The following MACROD2 variants were observed in gnomAD, a reference collection of about 807,000 sequenced individuals.
The protein encoded by MACROD2 is mono-ADP ribosylhydrolase 2, also known as ADP-ribose glycohydrolase MACROD2.
MACROD2 carries 36 observed loss-of-function variants against 70.4 expected under a neutral mutation model. The observed-to-expected ratio is 0.51, with a 90% confidence interval of 0.39 to 0.68. MACROD2 has a LOEUF of 0.68. MACROD2 is among the 30% of genes least tolerant of loss of function. The pLI, the probability that MACROD2 is intolerant of heterozygous loss-of-function variation, is 0.00. For missense variants in MACROD2, 496 were observed against 538.4 expected (o/e 0.92, Z 0.78); for synonymous variants, 172 against 178.8 (o/e 0.96, Z 0.30).
intron 6 of MACROD2, among the ~76,000 whole-genome samples, chr20:15,273,856 C>G (rs933167712): frequency 1.3e-5 from 2 of 152,102 alleles, no homozygotes; most frequent in South Asian, 2.1e-4. Context: ...ATTTCATTAC[C>G]CTGAGCTTTG....
chr20:15,419,711 T>C (rs1440616516), intron 6 of MACROD2, among the ~76,000 whole-genome samples: 1 of 152,238 alleles, frequency 6.6e-6, no homozygotes, highest in Non-Finnish European at 1.5e-5. Context: ...CCTCGGGCTC[T>C]GCACCAGCAA....
At chr20:14,230,654 T>TATATATATATATAAAAA in intron 3 of MACROD2, among the ~76,000 whole-genome samples, 4 of 74,240 alleles carry the variant, frequency 5.4e-5, no homozygotes, top group Non-Finnish European at 7.0e-5. Flanking sequence ...TATATATATA[T>TATATATATATATAAAAA]AACACAGGCT....
intron 8 of MACROD2, among the ~76,000 whole-genome samples, chr20:15,703,881 G>A (rs1001206804): frequency 5.9e-5 from 9 of 152,010 alleles, no homozygotes; most frequent in South Asian, 4.1e-4. Flanking sequence ...CATAAGCCAC[G>A]ATGTCTTATT....
intron 3 of MACROD2, among the ~76,000 whole-genome samples, chr20:14,201,060 A>G (rs973856816): frequency 2.7e-5 from 4 of 150,354 alleles, no homozygotes; most frequent in African/African-American, 9.8e-5. Context: ...GATTGCTGCT[A>G]TTTACAAAGG....
chr20:14,527,488 C>T (rs975941907), intron 4 of MACROD2, among the ~76,000 whole-genome samples: 5 of 88,808 alleles, frequency 5.6e-5, no homozygotes, highest in South Asian at 1.1e-3. Flanking sequence ...TACAACCAAC[C>T]TCTGATTATA....
At chr20:15,274,159 A>AG (rs1185223223) in intron 6 of MACROD2, among the ~76,000 whole-genome samples, 2 of 152,200 alleles carry the variant, frequency 1.3e-5, no homozygotes, top group Non-Finnish European at 2.9e-5. Flanking sequence ...AGAATCAAAA[A>AG]GGGGTTGTAT....
chr20:16,034,293 C>T (rs1178255818), intron 15 of MACROD2, among the ~76,000 whole-genome samples: 1 of 151,998 alleles, frequency 6.6e-6, no homozygotes, highest in Non-Finnish European at 1.5e-5. Flanking sequence ...ACCGTGGACT[C>T]AGCTTCTCTT....
intron 8 of MACROD2, among the ~76,000 whole-genome samples, chr20:15,537,963 A>G (rs2047899211): frequency 6.6e-6 from 1 of 152,148 alleles, no homozygotes; most frequent in African/African-American, 2.4e-5. Context: ...TATCCCTAGC[A>G]CTTAGTAGAG....
intron 8 of MACROD2, among the ~76,000 whole-genome samples, chr20:15,822,923 G>A (rs1016994753): frequency 1.1e-4 from 16 of 152,282 alleles, no homozygotes; most frequent in African/African-American, 3.6e-4. Context: ...GTGATGCTCA[G>A]TAAATGAGAC....
intron 8 of MACROD2, among the ~76,000 whole-genome samples, chr20:15,770,182 A>G (rs1430077294): frequency 6.8e-6 from 1 of 146,888 alleles, no homozygotes; most frequent in African/African-American, 2.5e-5. Flanking sequence ...GCAGCCTCGA[A>G]CTCCTGAGCT....
At chr20:15,230,207 ACT>A in intron 6 of MACROD2, 146 bp downstream of exon 6, 1 of 665,092 alleles carries the variant, frequency 1.5e-6, no homozygotes, top group Non-Finnish European at 2.3e-6. Flanking sequence ...GGTTATCATG[ACT>A]CTAATCTTTG....
chr20:15,936,511 AT>A, intron 11 of MACROD2, among the ~76,000 whole-genome samples: 1 of 148,270 alleles, frequency 6.7e-6, no homozygotes, highest in East Asian at 1.9e-4. Flanking sequence ...TATATACTCT[AT>A]ATATACACAT....
intron 6 of MACROD2, among the ~76,000 whole-genome samples, chr20:15,303,636 C>T (rs981040235): frequency 3.9e-5 from 6 of 152,202 alleles, no homozygotes; most frequent in African/African-American, 1.2e-4. Flanking sequence ...CAGGGAAAAT[C>T]TTCTAAAACA....
rs186359627 is a variant in MACROD2, at chr20:14,661,897, A to T, written c.302-22946A>T. Among the ~76,000 whole-genome samples, 304 of 152,164 alleles carry T rather than the reference A, an allele frequency of 2.0e-3. 1 individual carries two copies. Among genetic ancestry groups the T allele is most frequent in the Non-Finnish European group, 3.5e-3 (236 of 67,980 alleles). On this transcript the variant is annotated intron_variant, in intron 4 of 17. Transcript: ENST00000684519. ...ACTTCTACTGGTCATCAGTGGTAGG[A>T]TGGGAGGGTACCAAATCTGGCAGCA...
chr20:15,879,188 C>A (rs1000830522), intron 9 of MACROD2, among the ~76,000 whole-genome samples: 8 of 152,032 alleles, frequency 5.3e-5, no homozygotes, highest in African/African-American at 1.9e-4. Flanking sequence ...CCTTTTATTT[C>A]ATTTTTGTCC....
intron 13 of MACROD2, among the ~76,000 whole-genome samples, chr20:15,973,464 A>C (rs1172891687): frequency 6.6e-6 from 1 of 152,180 alleles, no homozygotes; most frequent in East Asian, 1.9e-4. Context: ...TTGTACAATA[A>C]TCACAAATAG....
intron 9 of MACROD2, among the ~76,000 whole-genome samples, chr20:15,878,737 T>G (rs1036134255): frequency 2.0e-5 from 3 of 152,072 alleles, no homozygotes; most frequent in Admixed American, 2.0e-4. Flanking sequence ...AAAACAAAAA[T>G]CATTCACATT....
At chr20:14,089,736 T>C (rs144190386) in intron 3 of MACROD2, among the ~76,000 whole-genome samples, 1 of 152,272 alleles carries the variant, frequency 6.6e-6, no homozygotes, top group African/African-American at 2.4e-5. Flanking sequence ...CAGGTTATCA[T>C]AACCAAGGCC....
At chr20:15,048,326 T>C (rs997541772) in intron 5 of MACROD2, among the ~76,000 whole-genome samples, 8 of 152,082 alleles carry the variant, frequency 5.3e-5, no homozygotes, top group Non-Finnish European at 1.2e-4. Context: ...TTGAAGCCAC[T>C]GATATGTAAA....
Sources: allele counts gnomAD v4.1 joint callset (sites outside exome capture counted in the v4.1 genomes callset), GRCh38; gene constraint gnomAD v4.1.1; transcripts MANE v1.5; gene names NCBI Gene and HGNC (gene_info 2026-07-23, HGNC 2026-07-21).